The following SLC26A4 variants were observed in gnomAD, a reference collection of about 807,000 sequenced individuals.
SLC26A4 encodes the protein solute carrier family 26 member 4.
Under a neutral mutation model 90.4 loss-of-function variants are expected in SLC26A4, and 93 were observed. The observed-to-expected ratio is 1.03, with a 90% CI of 0.87 to 1.22. The LOEUF is 1.22. SLC26A4 is among the 50% of genes most tolerant of loss of function. The pLI, the probability that SLC26A4 is intolerant of heterozygous loss-of-function variation, is 0.00. For missense variants in SLC26A4, 1,127 were observed against 946.2 expected (o/e 1.19, Z -2.51); for synonymous variants, 393 against 354.6 (o/e 1.11, Z -1.22).
In SLC26A4 at chr7:107,690,123, G is replaced by T. The variant is rs1791525285; in HGVS notation, c.1150-1G>T. 1 of 1,568,208 alleles carries T rather than the reference G, an allele frequency of 6.4e-7. No individual in the cohort carries two copies. Among genetic ancestry groups the T allele is most frequent in the Non-Finnish European group, 8.8e-7 (1 of 1,138,334 alleles). On this transcript the variant is annotated splice_acceptor_variant, in intron 9 of 20. Coordinates refer to ENST00000644269, the MANE Select transcript of SLC26A4 (RefSeq NM_000441.2). LOFTEE classifies it high-confidence loss of function. ...TCGTTGTCATCCAGTCTCTTCCTTA[G>T]GAATTCATTGCCTTTGGGATCAGCA...
rs377035162 is a variant in SLC26A4 at position 107,712,543 on chromosome 7, C to G, written c.2240C>G (p.Thr747Ser). The G allele has an allele frequency of 6.5e-6, 10 of 1,537,928 alleles. No individual in the cohort carries two copies. The highest frequency in any genetic ancestry group is 1.4e-5 in the African/African-American group (1 of 73,478). ...EGQGSILETI[T>S]LIQDCKDTLE... is the part of the protein sequence containing the mutation. The stretch of plus-strand genomic sequence containing the variant: ...CCCTGTGTTCTCTTTTTCAAGATCA[C>G]TCTCATTCAGGATTGTAAAGATACC... The change falls in exon 20 of 21, where the codon ACT (threonine) becomes AGT (serine). Residue 747 changes from threonine to serine, a missense_variant. Thr to Ser is a moderately conservative substitution (Grantham distance 58). Transcript: ENST00000644269.
In SLC26A4 at chr7:107,683,555, C is replaced by G; in HGVS notation, c.1001+18C>G. The G allele has an allele frequency of 6.3e-7, 1 of 1,590,934 alleles. No homozygotes were observed. Among genetic ancestry groups the G allele is most frequent in the Non-Finnish European group, 8.6e-7 (1 of 1,159,292 alleles). On this transcript the variant is annotated intron_variant, in intron 8 of 20. Transcript: ENST00000644269. ...CCAAGGGGGTGAGTGTGGTGTTCCTCTTAGTACTAATACATTAAGTCAGTA... is the reference window on the plus strand; with the variant it reads ...CCAAGGGGGTGAGTGTGGTGTTCCTGTTAGTACTAATACATTAAGTCAGTA...
At position 107,701,994 on chromosome 7, in the gene SLC26A4, CCTTGTG is replaced by C. The variant is rs1791904271; in HGVS notation, c.1976_1981del (p.Val659_Leu660del). 1 of 1,613,888 alleles carries C rather than the reference CCTTGTG, an allele frequency of 6.2e-7. No individual in the cohort carries two copies. Among genetic ancestry groups the C allele is most frequent in the South Asian group, 1.1e-5 (1 of 91,086 alleles). ...ACGTTCCCAAAGTGCCAATCCATAG[CCTTGTG>C]CTTGACTGTGGAGCTATATCTTTCC... On this transcript the variant is annotated inframe_deletion, in exon 17 of 21. Transcript: ENST00000644269.
intron 8 of SLC26A4, among the ~76,000 whole-genome samples, chr7:107,686,900 C>T (rs528278396): frequency 2.8e-4 from 42 of 152,234 alleles, no homozygotes; most frequent in African/African-American, 9.6e-4. Context: ...AAAGTATGTG[C>T]TTTGCAGTTG....
At chr7:107,712,348 A>G (rs1792214479) in intron 19 of SLC26A4, among the ~76,000 whole-genome samples, 191 bp from the exon 20 acceptor site, 1 of 152,220 alleles carries the variant, frequency 6.6e-6, no homozygotes, top group Admixed American at 6.5e-5. Context: ...ATACCAGTTC[A>G]CCTTTCAATG....
At chr7:107,673,564 A>G (rs1428862965) in intron 4 of SLC26A4, among the ~76,000 whole-genome samples, 2 of 152,144 alleles carry the variant, frequency 1.3e-5, no homozygotes, top group Admixed American at 1.3e-4. Context: ...GACAACTCTC[A>G]TCCCTGTCCC....
intron 10 of SLC26A4, chr7:107,691,912 G>T: frequency 7.8e-7 from 1 of 1,284,350 alleles, no homozygotes. Context: ...ATTTCAGGCT[G>T]CAGCTGTCAG....
At chr7:107,690,909 T>C (rs1791549257) in intron 10 of SLC26A4, among the ~76,000 whole-genome samples, 1 of 151,760 alleles carries the variant, frequency 6.6e-6, no homozygotes, top group Admixed American at 6.6e-5. Context: ...GGAGCCATAC[T>C]CAAAGGCCAC....
intron 17 of SLC26A4, among the ~76,000 whole-genome samples, chr7:107,703,499 T>C (rs1415289223): frequency 6.6e-6 from 1 of 152,224 alleles, no homozygotes; most frequent in East Asian, 1.9e-4. Context: ...TGTTATTAGC[T>C]CATTTGAAAT....
At chr7:107,715,333 A>G (rs1443998875) in intron 20 of SLC26A4, 90 bp from the exon 21 acceptor site, 54 of 1,012,654 alleles carry the variant, frequency 5.3e-5, no homozygotes, top group Non-Finnish European at 7.8e-5. Context: ...TAAGCAATCA[A>G]TACTATAAAA....
rs111033199 is a variant in SLC26A4, at chr7:107,672,245, G to A, written c.412G>A (p.Val138Ile). The change falls in exon 4 of 21, where the codon GTT becomes ATT. Residue 138 changes from valine to isoleucine, a missense_variant. Physicochemically the swap from Val to Ile is conservative, Grantham distance 29 (BLOSUM62 3). Coordinates refer to ENST00000644269, the MANE Select transcript of SLC26A4 (RefSeq NM_000441.2). Reference sequence around the variant, plus strand: ...CTTTGGAACATCAAGACATATCTCAGTTGGTAATTATAAGTATATTTTACA... The same window carrying A: ...CTTTGGAACATCAAGACATATCTCAATTGGTAATTATAAGTATATTTTACA... The part of the protein sequence containing the change: ...FIFGTSRHIS[V>I]GPFPVVSLMV... 1 of 1,564,102 alleles carries A rather than the reference G, an allele frequency of 6.4e-7. No individual in the cohort carries two copies. The highest frequency in any genetic ancestry group is 1.1e-5 in the South Asian group (1 of 90,020).
At chr7:107,708,133 G>A (rs1792078827) in intron 18 of SLC26A4, among the ~76,000 whole-genome samples, 1 of 152,138 alleles carries the variant, frequency 6.6e-6, no homozygotes. Context: ...CCACACTTTA[G>A]CCTTCCATCA....
At chr7:107,678,031 A>G (rs965465303) in intron 6 of SLC26A4, among the ~76,000 whole-genome samples, 1 of 152,140 alleles carries the variant, frequency 6.6e-6, no homozygotes, top group African/African-American at 2.4e-5. Flanking sequence ...ATCTTACTGC[A>G]TGCCTCCTAA....
Position 107,698,060 on chromosome 7 carries a change from T to C in SLC26A4, c.1563T>C (p.Leu521=). 2 of 1,609,432 alleles carry C rather than the reference T, an allele frequency of 1.2e-6. No individual in the cohort carries two copies. Among genetic ancestry groups the C allele is most frequent in the Non-Finnish European group, 1.7e-6 (2 of 1,175,786 alleles). Residue 521 remains leucine, a synonymous_variant, in exon 14 of 21, where the codon CTT becomes CTC. Coordinates refer to ENST00000644269, the MANE Select transcript of SLC26A4 (RefSeq NM_000441.2). Reference sequence around the variant, plus strand: ...CTTCTAGTCCTTCTTGGAATGGCCTTGGAAGCATCCCTAGCACAGATATCT... The same window carrying C: ...CTTCTAGTCCTTCTTGGAATGGCCTCGGAAGCATCCCTAGCACAGATATCT... ...LRVQFPSWNG[L]GSIPSTDIYK... is the part of the protein sequence containing the mutation.
chr7:107,669,023 C>T (rs1452534374), intron 3 of SLC26A4, among the ~76,000 whole-genome samples: 1 of 151,838 alleles, frequency 6.6e-6, no homozygotes, highest in Non-Finnish European at 1.5e-5. Context: ...AGTGGTATGA[C>T]CTTGGCTCAC....
chr7:107,696,036 A>G lies in SLC26A4; in HGVS notation c.1541A>G (p.Gln514Arg), dbSNP rs111033316. Residue 514 changes from glutamine to arginine, a missense_variant, in exon 13 of 21, where the codon CAG becomes CGG. Physicochemically the swap from Gln to Arg is conservative, Grantham distance 43. Coordinates refer to ENST00000644269, the MANE Select transcript of SLC26A4 (RefSeq NM_000441.2). ...FGLLTVVLRV[Q>R]FPSWNGLGSI... ...CTGTTGACTGTGGTCCTGAGAGTTC[A>G]GTTGTGAGTAACGTAAAACCCAGAT... 9.1e-5 allele frequency: 142 copies of G among 1,560,768 alleles called. No individual in the cohort carries two copies. The highest frequency in any genetic ancestry group is 1.2e-4 in the Non-Finnish European group (137 of 1,131,680).
intron 10 of SLC26A4, 65 bp from the exon 11 acceptor site, chr7:107,694,338 C>T: frequency 8.1e-7 from 1 of 1,230,230 alleles, no homozygotes; most frequent in Non-Finnish European, 1.2e-6. Flanking sequence ...ATACACACAT[C>T]CAGTGAGCTG....
rs113496951 is a variant in SLC26A4 at position 107,715,457 on chromosome 7, G to A, written c.*11G>A. On this transcript the variant is annotated 3_prime_UTR_variant, in exon 21 of 21. Transcript: ENST00000644269. ...ACACTTGCATCCTGAAAGTGGGTTC[G>A]GGAGGTCTCTATGAGCAAGGAATAC... The A allele has an allele frequency of 1.4e-3, 2,281 of 1,610,746 alleles. 40 individuals are homozygous for A. In the African/African-American group the frequency reaches 0.027, roughly 19 times the overall value.
At chr7:107,708,939 A>G (rs1400235996) in intron 18 of SLC26A4, among the ~76,000 whole-genome samples, 1 of 152,126 alleles carries the variant, frequency 6.6e-6, no homozygotes, top group African/African-American at 2.4e-5. Flanking sequence ...TTCTTTATGA[A>G]TGTATGTGTG....
Sources: allele counts gnomAD v4.1 joint callset (sites outside exome capture counted in the v4.1 genomes callset), GRCh38; gene constraint gnomAD v4.1.1; transcripts MANE v1.5; gene names NCBI Gene and HGNC (gene_info 2026-07-23, HGNC 2026-07-21).